QTGAL: variants seen among roughly 807,000 people sequenced by gnomAD.
QTGAL encodes queuosine-tRNA galactosyltransferase, also known as BGnT-like protein 1.
chr17:83,004,726 C>T, the QTGAL span, among the ~76,000 whole-genome samples: 1 of 126,086 alleles, frequency 7.9e-6, no homozygotes. Flanking sequence ...CTCTGCAGTC[C>T]GCGTGTGGGA....
the QTGAL span, chr17:82,960,256 G>C: frequency 2.0e-5 from 3 of 152,248 alleles, no homozygotes; most frequent in Admixed American, 2.0e-4. Context: ...CTGGGATCTT[G>C]CCGAGAGTCT....
chr17:82,969,085 G>C, the QTGAL span, among the ~76,000 whole-genome samples: 6 of 149,076 alleles, frequency 4.0e-5, 1 homozygote, highest in Admixed American at 2.7e-4. Flanking sequence ...AGTGAGCCAA[G>C]ATTGTCATTG....
chr17:82,978,525 C>CT, the QTGAL span: 19 of 152,266 alleles, frequency 1.2e-4, no homozygotes, highest in African/African-American at 4.6e-4. This position sits in a 1 kb window ranked among gnomAD's most constrained non-coding sequence, Gnocchi z 4.8. Flanking sequence ...GTTCCTCCCT[C>CT]TGACTGTGCT....
At chr17:82,982,539 G>T in the QTGAL span, among the ~76,000 whole-genome samples, 102,796 of 151,400 alleles carry the variant, frequency 0.68, 35,095 homozygotes, top group East Asian at 0.81. Context: ...CTCACAGAGA[G>T]CCTTGTCCCT....
the QTGAL span, among the ~76,000 whole-genome samples, chr17:82,980,165 G>A: frequency 1.3e-5 from 2 of 152,182 alleles, no homozygotes; most frequent in African/African-American, 2.4e-5. Flanking sequence ...AGTCTTGGGT[G>A]TTGACACTCA....
chr17:83,005,477 C>A, the QTGAL span: 38 of 658,482 alleles, frequency 5.8e-5, no homozygotes, highest in Non-Finnish European at 9.5e-5. The surrounding 1 kb of genome is among the most constrained non-coding windows in gnomAD (Gnocchi z 5.6). Context: ...ACAGAGCTGC[C>A]CTGGGCTGGA....
At chr17:82,954,337 C>T in the QTGAL span, among the ~76,000 whole-genome samples, 2 of 152,064 alleles carry the variant, frequency 1.3e-5, no homozygotes, top group African/African-American at 4.8e-5. Context: ...ACGAGCATTC[C>T]TATACACCAA....
chr17:82,944,959 A>C, the QTGAL span: 2 of 152,260 alleles, frequency 1.3e-5, no homozygotes, highest in African/African-American at 2.4e-5. Context: ...GCCTGAATTA[A>C]TACTACCTGT....
chr17:83,044,574 G>A, the QTGAL span, among the ~76,000 whole-genome samples: 135 of 152,318 alleles, frequency 8.9e-4, no homozygotes, highest in African/African-American at 3.2e-3. Context: ...ACAATTGCTT[G>A]GGAGAACCGA....
chr17:83,034,355 C>G, the QTGAL span, among the ~76,000 whole-genome samples: 2 of 152,244 alleles, frequency 1.3e-5, no homozygotes, highest in East Asian at 3.8e-4. Context: ...TCGCTCTCTG[C>G]TGTGCAATTT....
chr17:83,008,709 G>C, the QTGAL span, among the ~76,000 whole-genome samples: 1 of 152,224 alleles, frequency 6.6e-6, no homozygotes, highest in African/African-American at 2.4e-5. Flanking sequence ...CAGCCACCAT[G>C]CTGCGAGGAA....
chr17:82,961,134 G>A, the QTGAL span: 105 of 1,607,594 alleles, frequency 6.5e-5, no homozygotes, highest in African/African-American at 1.3e-4. Flanking sequence ...TGACGCCGCC[G>A]CCCTTCCTGA....
chr17:82,942,668 A>T, the QTGAL span: 1 of 631,534 alleles, frequency 1.6e-6, no homozygotes, highest in African/African-American at 1.8e-5. Context: ...CTTCACTTGA[A>T]CACAAATGTG....
chr17:82,973,348 G>A, the QTGAL span, among the ~76,000 whole-genome samples: 1 of 152,192 alleles, frequency 6.6e-6, no homozygotes, highest in African/African-American at 2.4e-5. Flanking sequence ...TTAGAGCGAG[G>A]TAAAATCACT....
At chr17:82,959,153 T>C in the QTGAL span, among the ~76,000 whole-genome samples, 1 of 151,618 alleles carries the variant, frequency 6.6e-6, no homozygotes, top group Admixed American at 6.6e-5. Flanking sequence ...ACAGTGTGCA[T>C]GTGTGGTGAG....
chr17:83,012,529 G>A, the QTGAL span, among the ~76,000 whole-genome samples: 1 of 152,156 alleles, frequency 6.6e-6, no homozygotes, highest in Admixed American at 6.5e-5. Context: ...ACATACGGAC[G>A]GCTCAGTCCA....
the QTGAL span, among the ~76,000 whole-genome samples, chr17:83,019,500 G>T: frequency 6.6e-6 from 1 of 152,332 alleles, no homozygotes; most frequent in Middle Eastern, 3.4e-3. Flanking sequence ...AAGTCATGGG[G>T]ACTGGACGGA....
the QTGAL span, among the ~76,000 whole-genome samples, chr17:82,960,028 G>A: frequency 1.3e-5 from 2 of 152,326 alleles, no homozygotes; most frequent in South Asian, 4.1e-4. Context: ...GCACAAGACA[G>A]CATTTCTGGA....
chr17:83,016,892 G>A, the QTGAL span, among the ~76,000 whole-genome samples: 9 of 152,262 alleles, frequency 5.9e-5, no homozygotes, highest in South Asian at 2.1e-4. Context: ...TAAGGGGCAC[G>A]TCACTAACCT....
Sources: gnomAD v4.1 joint callset for allele counts (sites outside exome capture counted in the v4.1 genomes callset) on GRCh38, gnomAD v4.1.1 for gene constraint, Gnocchi (gnomAD v3.1) non-coding constraint, MANE v1.5 for transcripts, NCBI Gene and HGNC (gene_info 2026-07-23, HGNC 2026-07-21) for gene names.